PLSCR2: variants seen among roughly 807,000 people sequenced by gnomAD.
PLSCR2 encodes the protein phospholipid scramblase 2.
Under a neutral mutation model 25.3 loss-of-function variants are expected in PLSCR2, and 18 were observed. The observed-to-expected ratio is 0.71, with a 90% CI of 0.49 to 1.06. The LOEUF (loss-of-function observed/expected upper bound fraction) is 1.06, where lower values mean the gene tolerates loss of function less well. PLSCR2 is among the 50% of genes least tolerant of loss of function. The pLI is 0.00. For synonymous variants in PLSCR2, 88 were observed against 87.3 expected, an observed-to-expected ratio of 1.01 and a Z score of -0.04; for missense variants, 243 against 269.5, an observed-to-expected ratio of 0.90 and a Z score of 0.69.
intron 1 of PLSCR2, among the ~76,000 whole-genome samples, chr3:146,481,579 A>T (rs2043131700): frequency 6.6e-6 from 1 of 152,234 alleles, no homozygotes; most frequent in African/African-American, 2.4e-5. Context: ...GAAATAAGAC[A>T]GGACACAAAC....
chr3:146,461,919 A>G (rs752062434), upstream of PLSCR2: 2 of 1,512,868 alleles, frequency 1.3e-6, no homozygotes, highest in Non-Finnish European at 1.8e-6. Context: ...TGGAATTTAC[A>G]AGGGAAAACA....
intron 1 of PLSCR2, among the ~76,000 whole-genome samples, chr3:146,477,591 C>A (rs2042332550): frequency 6.6e-6 from 1 of 152,242 alleles, no homozygotes; most frequent in African/African-American, 2.4e-5. Flanking sequence ...GAAGCTTGAA[C>A]TGGACAGAGC....
chr3:146,423,282 T>TCTCTCTCTCTCTCTCCCC (rs758576585), intron 2 of PLSCR2, among the ~76,000 whole-genome samples: 23 of 101,002 alleles, frequency 2.3e-4, no homozygotes, highest in Non-Finnish European at 4.2e-4. Context: ...TCTCTCTCTC[T>TCTCTCTCTCTCTCTCCCC]CCCTGGCTAG....
intron 1 of PLSCR2, among the ~76,000 whole-genome samples, chr3:146,493,589 A>T (rs1038825344): frequency 6.6e-6 from 1 of 152,152 alleles, no homozygotes; most frequent in Non-Finnish European, 1.5e-5. Context: ...ATATTCCTTC[A>T]TGTTAAAAAC....
chr3:146,398,386 A>G (rs1029657528), intron 2 of PLSCR2, among the ~76,000 whole-genome samples: 1 of 151,774 alleles, frequency 6.6e-6, no homozygotes, highest in Non-Finnish European at 1.5e-5. Context: ...ATTTAAATAA[A>G]GTTTAATTTT....
intron 6 of PLSCR2, among the ~76,000 whole-genome samples, chr3:146,442,028 T>C (rs2040272359): frequency 6.6e-6 from 1 of 152,060 alleles, no homozygotes. Context: ...TATAATCCTA[T>C]TTATTTATTG....
At chr3:146,463,869 C>G (rs1235332848), upstream of PLSCR2, 2 of 979,448 alleles carry the variant, frequency 2.0e-6, no homozygotes, top group African/African-American at 3.5e-5. Context: ...TGATTACCAA[C>G]TTTAAGCACA....
chr3:146,435,737 A>T (rs1455445783), intron 8 of PLSCR2, among the ~76,000 whole-genome samples: 2 of 152,036 alleles, frequency 1.3e-5, no homozygotes, highest in Non-Finnish European at 2.9e-5. Flanking sequence ...GTTCACTCTG[A>T]TGGTAGTTTC....
At chr3:146,399,415 G>C (rs1199991324) in intron 2 of PLSCR2, among the ~76,000 whole-genome samples, 2 of 151,690 alleles carry the variant, frequency 1.3e-5, no homozygotes, top group African/African-American at 4.8e-5. Flanking sequence ...TGTTTAAAAA[G>C]TAGAATAATA....
chr3:146,454,784 A>G (rs1464528414), intron 4 of PLSCR2, among the ~76,000 whole-genome samples: 1 of 152,152 alleles, frequency 6.6e-6, no homozygotes, highest in African/African-American at 2.4e-5. Context: ...AACAAAGGAG[A>G]TAAGACTTTG....
chr3:146,399,734 CTT>C (rs949480138), intron 2 of PLSCR2, among the ~76,000 whole-genome samples: 4 of 149,806 alleles, frequency 2.7e-5, no homozygotes, highest in Non-Finnish European at 6.0e-5. Context: ...CTCTCTCTCT[CTT>C]TTTTTTTCTT....
chr3:146,455,550 C>G, intron 3 of PLSCR2, 91 bp from the exon 4 acceptor site: 1 of 753,382 alleles, frequency 1.3e-6, no homozygotes, highest in Non-Finnish European at 2.2e-6. Context: ...GATGATGCTC[C>G]AAGTATCATA....
chr3:146,461,311 G>T (rs1006971995), upstream of PLSCR2, among the ~76,000 whole-genome samples: 2 of 151,998 alleles, frequency 1.3e-5, no homozygotes, highest in African/African-American at 4.8e-5. Flanking sequence ...AAAAAATAAG[G>T]GTTAGCAAAC....
At chr3:146,448,788 G>C (rs1303822971) in intron 6 of PLSCR2, among the ~76,000 whole-genome samples, 1 of 150,124 alleles carries the variant, frequency 6.7e-6, no homozygotes, top group African/African-American at 2.5e-5. Flanking sequence ...CTAGAGGCTT[G>C]ATTGAATGTA....
intron 3 of PLSCR2, among the ~76,000 whole-genome samples, chr3:146,395,191 G>T (rs182729955): frequency 4.6e-5 from 7 of 152,096 alleles, no homozygotes; most frequent in Non-Finnish European, 8.8e-5. Flanking sequence ...AAATTTAAGA[G>T]CAAATAAAAC....
intron 8 of PLSCR2, among the ~76,000 whole-genome samples, chr3:146,434,690 CACTTT>C (rs945667343): frequency 4.6e-5 from 7 of 151,936 alleles, no homozygotes; most frequent in African/African-American, 1.7e-4. Context: ...AAAGTCATTT[CACTTT>C]GTTTTATTTC....
At position 146,451,107 on chromosome 3, in the gene PLSCR2, CTTTTTT is replaced by C. The variant is rs58373001; in HGVS notation, c.484-1746_484-1741del. Among the ~76,000 whole-genome samples the C allele has an allele frequency of 2.8e-4, 22 of 79,506 alleles. No individual in the cohort carries two copies. In the East Asian group the frequency reaches 7.7e-3, roughly 28 times the overall value. The allele number at this position is 79,506 out of a possible 152,430, so 52.2% of individuals were successfully genotyped here. A position where few individuals can be genotyped will look rare whatever the true frequency, so the allele number is the denominator to read the frequency against. On this transcript the variant is annotated intron_variant, in intron 5 of 6. Coordinates refer to ENST00000610787, the Ensembl canonical transcript of PLSCR2. ...TCATAAGAAGTATACATTAAGTTTT[CTTTTTT>C]TTTTTTTTTTTTTTTTTTGAGACGA... is the stretch of plus-strand genomic sequence containing the variant.
At chr3:146,439,416 C>T (rs184830979), downstream of PLSCR2, among the ~76,000 whole-genome samples, 7 of 152,300 alleles carry the variant, frequency 4.6e-5, no homozygotes, top group Admixed American at 1.3e-4. Context: ...GTACACCAAT[C>T]AGACGTGGAT....
upstream of PLSCR2, among the ~76,000 whole-genome samples, chr3:146,461,667 A>G (rs898920813): frequency 2.0e-5 from 3 of 152,120 alleles, no homozygotes; most frequent in Non-Finnish European, 4.4e-5. Context: ...AGGAAAAGCA[A>G]ATGTAAAAAC....
Sources: gnomAD v4.1 joint callset for allele counts (sites outside exome capture counted in the v4.1 genomes callset) on GRCh38, gnomAD v4.1.1 for gene constraint, MANE v1.5 for transcripts, NCBI Gene and HGNC (gene_info 2026-07-23, HGNC 2026-07-21) for gene names.